TBC1D16: variants seen among roughly 807,000 people sequenced by gnomAD.
TBC1D16 encodes CTD-2529O21.1.
A neutral mutation model predicts 74.7 loss-of-function variants in TBC1D16; 58 were observed. That is an observed-to-expected ratio of 0.78 (90% CI 0.63 to 0.97). The LOEUF is 0.97. Among genes scored for constraint, TBC1D16 ranks in the 50% least tolerant of loss-of-function variants. The pLI, the probability that TBC1D16 is intolerant of heterozygous loss-of-function variation, is 0.00. For synonymous variants in TBC1D16, 493 were observed against 474.7 expected, an observed-to-expected ratio of 1.04 and a Z score of -0.50; for missense variants, 1,014 against 1,079.5, an observed-to-expected ratio of 0.94 and a Z score of 0.85.
intron 3 of TBC1D16, among the ~76,000 whole-genome samples, chr17:79,976,515 G>A (rs1478039951): frequency 1.3e-5 from 2 of 152,156 alleles, no homozygotes; most frequent in Admixed American, 6.6e-5. Context: ...TCACATGTGC[G>A]GTGTGCCCAC....
chr17:80,018,832 C>G (rs2143037993), intron 1 of TBC1D16, among the ~76,000 whole-genome samples: 1 of 149,624 alleles, frequency 6.7e-6, no homozygotes, highest in African/African-American at 2.6e-5. Flanking sequence ...AACTTCTGGC[C>G]TCAAGTGATC....
At chr17:79,958,045 T>A (rs971605191) in intron 3 of TBC1D16, among the ~76,000 whole-genome samples, 14 of 151,766 alleles carry the variant, frequency 9.2e-5, no homozygotes, top group Non-Finnish European at 1.9e-4. Flanking sequence ...TGAATAAAAT[T>A]TCCAGGCCCA....
intron 1 of TBC1D16, among the ~76,000 whole-genome samples, chr17:80,021,179 G>A (rs917917216): frequency 6.7e-6 from 1 of 149,078 alleles, no homozygotes; most frequent in Non-Finnish European, 1.5e-5. Flanking sequence ...TTGAACTCAG[G>A]TGGTGGAGGT....
In TBC1D16 at chr17:79,981,351, T is replaced by C. The variant is rs376174852; in HGVS notation, c.780-28533A>G. 3.5e-4 allele frequency among the ~76,000 whole-genome samples: 54 copies of C among 152,300 alleles called. 1 individual carries two copies. The East Asian group carries it at 8.9e-3, about 25-fold the overall frequency. ...TGTTCACCAGCGGCGGGTATGTTCT[T>C]AGACCCTCCATCTGCCCGGGCCCTG... On this transcript the variant is annotated intron_variant, in intron 3 of 11. Coordinates refer to ENST00000310924, the MANE Select transcript of TBC1D16 (RefSeq NM_019020.4). This position sits in a 1 kb window ranked among gnomAD's most constrained non-coding sequence, Gnocchi z 6.9.
chr17:79,984,121 A>AG (rs1254756320), intron 3 of TBC1D16, among the ~76,000 whole-genome samples: 1 of 152,128 alleles, frequency 6.6e-6, no homozygotes, highest in African/African-American at 2.4e-5. Context: ...CCCAGACTCA[A>AG]GCCCATCCTC....
rs139024226 is a variant in TBC1D16 at position 80,006,940 on chromosome 17, C to T, written c.779+3220G>A. On this transcript the variant is annotated intron_variant, in intron 3 of 11. Transcript: ENST00000310924. ...CCTCCCAAAGTGCTGGGATTACAGG[C>T]GTGAGTCACAGTGCCCGGCCTCCAT... is the stretch of plus-strand genomic sequence containing the variant. Among the ~76,000 whole-genome samples the T allele has an allele frequency of 2.7e-3, 416 of 152,228 alleles. 2 individuals are homozygous for T. The highest frequency in any genetic ancestry group is 9.7e-3 in the African/African-American group (404 of 41,534).
At chr17:79,952,969 G>T in intron 3 of TBC1D16, 151 bp from the exon 4 acceptor site, 1 of 783,374 alleles carries the variant, frequency 1.3e-6, no homozygotes, top group Non-Finnish European at 2.0e-6. Flanking sequence ...AAACACCTGT[G>T]AATAAATGAA....
In TBC1D16 at chr17:79,986,106, G is replaced by A. The variant is rs765215732; in HGVS notation, c.779+24054C>T. The stretch of plus-strand genomic sequence containing the variant: ...CACTGGCATCTGCCATCCCTCAAAC[G>A]GAGAGATAATCAGGAAATAAAAGCT... On this transcript the variant is annotated intron_variant, in intron 3 of 11. Coordinates refer to ENST00000310924, the MANE Select transcript of TBC1D16 (RefSeq NM_019020.4). This position sits in a 1 kb window ranked among gnomAD's most constrained non-coding sequence, Gnocchi z 6.0. 2.6e-5 allele frequency among the ~76,000 whole-genome samples: 4 copies of A among 152,224 alleles called. No individual in the cohort carries two copies. Among genetic ancestry groups the A allele is most frequent in the Non-Finnish European group, 5.9e-5 (4 of 68,034 alleles).
chr17:80,024,918 CACACCATAGACACACACACCA>C, intron 1 of TBC1D16, among the ~76,000 whole-genome samples: 1 of 108,532 alleles, frequency 9.2e-6, no homozygotes, highest in African/African-American at 4.7e-5. Context: ...ACACACACCA[CACACCATAGACACACACACCA>C]CACACACCAT....
At chr17:79,989,240 C>T (rs1468749821) in intron 3 of TBC1D16, among the ~76,000 whole-genome samples, 2 of 152,198 alleles carry the variant, frequency 1.3e-5, no homozygotes, top group Non-Finnish European at 2.9e-5. Context: ...AACTTTTGCC[C>T]ATGACTTAAG....
rs1397272808 is a variant in TBC1D16 at position 79,993,970 on chromosome 17, A to C, written c.779+16190T>G. On this transcript the variant is annotated intron_variant, in intron 3 of 11. Transcript: ENST00000310924. This position sits in a 1 kb window ranked among gnomAD's most constrained non-coding sequence, Gnocchi z 5.1. ...TGAGCTGCGGTGGAAAAGGCTGACA[A>C]GTTTCATTTCCCTGACCTTGGACAG... Among the ~76,000 whole-genome samples, 2 of 152,070 alleles carry C rather than the reference A, an allele frequency of 1.3e-5. No homozygotes were observed. Among genetic ancestry groups the C allele is most frequent in the African/African-American group, 4.8e-5 (2 of 41,398 alleles).
chr17:79,976,263 C>G (rs1233718637), intron 3 of TBC1D16, among the ~76,000 whole-genome samples: 1 of 152,168 alleles, frequency 6.6e-6, no homozygotes, highest in Admixed American at 6.5e-5. Flanking sequence ...TCACACCGGC[C>G]CCTGCACTGT....
chr17:80,016,676 G>C (rs957521629), intron 1 of TBC1D16, among the ~76,000 whole-genome samples: 11 of 152,164 alleles, frequency 7.2e-5, no homozygotes, highest in African/African-American at 2.7e-4. Context: ...AGGAGGCAGG[G>C]GGCAGATGTC....
chr17:80,010,737 C>A lies in TBC1D16; in HGVS notation c.202G>T (p.Glu68Ter). Residue 68 changes from glutamate to a stop codon, truncating the protein, a stop_gained, in exon 3 of 12, where the codon GAG becomes TAG. Coordinates refer to ENST00000310924, the MANE Select transcript of TBC1D16 (RefSeq NM_019020.4). LOFTEE classifies it high-confidence loss of function. This position sits in a 1 kb window ranked among gnomAD's most constrained non-coding sequence, Gnocchi z 8.8. The stretch of plus-strand genomic sequence containing the variant: ...GTGGCTCCCAGCATCTCATCCTTCT[C>A]CATGTACAAGCACAGGTAACCTGTG... Reference protein sequence around the residue: ...HHPGYLCLYMEKDEMLGATLI... With the variant: ...HHPGYLCLYM 1 of 1,499,704 alleles carries A rather than the reference C, an allele frequency of 6.7e-7. No homozygotes were observed. Among genetic ancestry groups the A allele is most frequent in the South Asian group, 1.4e-5 (1 of 71,966 alleles). 92.9% of individuals were successfully genotyped at this position (1,499,704 alleles called of 1,614,324 possible).
intron 3 of TBC1D16, among the ~76,000 whole-genome samples, chr17:79,973,768 C>T (rs59794507): frequency 0.03 from 4,570 of 151,892 alleles, 220 homozygotes; most frequent in African/African-American, 0.1. Flanking sequence ...GTGGTGCATG[C>T]CATCATCCCA....
chr17:80,025,114 A>AC lies in TBC1D16; in HGVS notation c.-63+10680dup. 3.8e-4 allele frequency among the ~76,000 whole-genome samples: 2 copies of AC among 5,320 alleles called. 1 individual carries two copies. The highest frequency in any genetic ancestry group is 4.3e-3 in the Admixed American group (2 of 466). 3.5% of individuals were successfully genotyped at this position (5,320 alleles called of 152,430 possible). On this transcript the variant is annotated intron_variant, in intron 1 of 11. Transcript: ENST00000310924. Reference sequence around the variant, plus strand: ...ACACACACACCATATACACACAAACACCACAGACACACACACACCATAGGC... The same window carrying AC: ...ACACACACACCATATACACACAAACACCCACAGACACACACACACCATAGGC...
Position 79,951,316 on chromosome 17 carries a change from A to C in TBC1D16, c.1089+134T>G, listed in dbSNP as rs568223507. On this transcript the variant is annotated intron_variant, in intron 5 of 11. Coordinates refer to ENST00000310924, the MANE Select transcript of TBC1D16 (RefSeq NM_019020.4). ...CCAAAGTTGCTGCTCTGACGGCCAA[A>C]AACTACCGTGGGTCACACCCCGTAA... 4.9e-5 allele frequency: 56 copies of C among 1,145,888 alleles called. No individual in the cohort carries two copies. In the South Asian group the frequency reaches 8.6e-4, roughly 18 times the overall value. 71.0% of individuals were successfully genotyped at this position (1,145,888 alleles called of 1,614,324 possible). A position where few individuals can be genotyped will look rare whatever the true frequency, so the allele number is the denominator to read the frequency against.
intron 3 of TBC1D16, among the ~76,000 whole-genome samples, chr17:79,976,101 TCTAGGCAA>T (rs1450984100): frequency 4.6e-5 from 7 of 152,208 alleles, no homozygotes; most frequent in Non-Finnish European, 8.8e-5. Context: ...CTAACCCTTG[TCTAGGCAA>T]ACCTGGGAGC....
rs2034578370 is a variant in TBC1D16, at chr17:79,981,497, T to G, written c.779+28663A>C. On this transcript the variant is annotated intron_variant, in intron 3 of 11. Coordinates refer to ENST00000310924, the MANE Select transcript of TBC1D16 (RefSeq NM_019020.4). The surrounding 1 kb of genome is among the most constrained non-coding windows in gnomAD (Gnocchi z 6.9). ...GCCCCCGACAAGTTTAACCCCTTCC[T>G]TCTTTGGCACACACTTCACAAAAGA... Among the ~76,000 whole-genome samples, 1 of 152,204 alleles carries G rather than the reference T, an allele frequency of 6.6e-6. No homozygotes were observed. The highest frequency in any genetic ancestry group is 1.5e-5 in the Non-Finnish European group (1 of 68,036).
Sources: allele counts gnomAD v4.1 joint callset (sites outside exome capture counted in the v4.1 genomes callset), GRCh38; gene constraint gnomAD v4.1.1; non-coding constraint Gnocchi (gnomAD v3.1); transcripts MANE v1.5; gene names NCBI Gene and HGNC (gene_info 2026-07-23, HGNC 2026-07-21).